CADPS2: variants seen among roughly 807,000 people sequenced by gnomAD.
The protein encoded by CADPS2 is calcium dependent secretion activator 2.
A neutral mutation model predicts 172.5 loss-of-function variants in CADPS2; 93 were observed. The observed-to-expected ratio is 0.54, with a 90% CI of 0.46 to 0.64. CADPS2 has a LOEUF of 0.64. Ranked by LOEUF, CADPS2 falls within the 30% of genes least tolerant of loss-of-function variation. The pLI, the probability that CADPS2 is intolerant of heterozygous loss-of-function variation, is 0.00. For synonymous variants in CADPS2, 546 were observed against 555.2 expected (o/e 0.98, Z 0.23); for missense variants, 1,420 against 1,565.9 (o/e 0.91, Z 1.57).
rs141072914 is a variant in CADPS2 at position 122,813,954 on chromosome 7, C to A, written c.339+72045G>T. Among the ~76,000 whole-genome samples, 8 of 152,012 alleles carry A rather than the reference C, an allele frequency of 5.3e-5. No homozygotes were observed. The East Asian group carries it at 1.5e-3, about 29-fold the overall frequency. On this transcript the variant is annotated intron_variant, in intron 1 of 29. Transcript: ENST00000449022. Reference sequence around the variant, plus strand: ...TTTAAGGTAATATTGACTATCCATTCTAGATTCAATTCTTTGATTTAAAAA... The same window carrying A: ...TTTAAGGTAATATTGACTATCCATTATAGATTCAATTCTTTGATTTAAAAA...
At chr7:122,743,892 G>C (rs974217969) in intron 1 of CADPS2, among the ~76,000 whole-genome samples, 32 of 152,242 alleles carry the variant, frequency 2.1e-4, no homozygotes, top group African/African-American at 5.5e-4. Context: ...CAGAAAAATA[G>C]GGGGTTCCAG....
chr7:122,866,031 T>G (rs1585025484), intron 1 of CADPS2, among the ~76,000 whole-genome samples: 1 of 152,204 alleles, frequency 6.6e-6, no homozygotes, highest in Admixed American at 6.5e-5. Context: ...CATTAATAGT[T>G]AAAAGAATTT....
intron 2 of CADPS2, among the ~76,000 whole-genome samples, chr7:122,711,347 T>A (rs2088683398): frequency 1.3e-5 from 2 of 152,142 alleles, no homozygotes; most frequent in African/African-American, 4.8e-5. Context: ...TATAGCTATA[T>A]CTCTCAAGAT....
In CADPS2 at chr7:122,847,221, G is replaced by C. The variant is rs537311584; in HGVS notation, c.339+38778C>G. Among the ~76,000 whole-genome samples the C allele has an allele frequency of 1.2e-4, 19 of 152,142 alleles. No homozygotes were observed. In the South Asian group the frequency reaches 3.7e-3, roughly 30 times the overall value. ...CCTATCTTGGCCTCTCAAGTAGCTG[G>C]GACTACAGGCTCATGCCACCATACC... On this transcript the variant is annotated intron_variant, in intron 1 of 29. Coordinates refer to ENST00000449022, the MANE Select transcript of CADPS2 (RefSeq NM_017954.11).
intron 2 of CADPS2, among the ~76,000 whole-genome samples, chr7:122,693,559 C>G (rs910874027): frequency 1.3e-5 from 2 of 152,156 alleles, no homozygotes; most frequent in Non-Finnish European, 2.9e-5. Flanking sequence ...GGTCCCAGCC[C>G]AGATGTCATG....
At chr7:122,471,246 T>A (rs2055892912) in intron 14 of CADPS2, 129 bp downstream of exon 14, 2 of 618,684 alleles carry the variant, frequency 3.2e-6, no homozygotes, top group East Asian at 3.7e-5. Context: ...CTGTCGTTTT[T>A]TTTTTTTTCC....
chr7:122,372,271 T>G (rs934756040), intron 25 of CADPS2, among the ~76,000 whole-genome samples: 1 of 152,092 alleles, frequency 6.6e-6, no homozygotes, highest in East Asian at 1.9e-4. Context: ...ATCACAAGCA[T>G]AGAGTTAAAG....
chr7:122,674,668 T>C (rs1345610539), intron 2 of CADPS2, among the ~76,000 whole-genome samples: 1 of 152,242 alleles, frequency 6.6e-6, no homozygotes, highest in Non-Finnish European at 1.5e-5. Context: ...TTGCTGTTGA[T>C]TTGAACCATG....
At chr7:122,858,706 TTAAAC>T (rs1304364529) in intron 1 of CADPS2, among the ~76,000 whole-genome samples, 15 of 152,294 alleles carry the variant, frequency 9.8e-5, no homozygotes, top group Admixed American at 7.8e-4. Flanking sequence ...AGTTGACATT[TTAAAC>T]TAAATATTTT....
chr7:122,727,408 T>C (rs531418045), intron 2 of CADPS2, among the ~76,000 whole-genome samples: 1 of 151,728 alleles, frequency 6.6e-6, no homozygotes, highest in South Asian at 2.1e-4. Context: ...ACTGGTGAAA[T>C]TGAGAATTTA....
At chr7:122,507,039 G>A (rs1013919371) in intron 9 of CADPS2, among the ~76,000 whole-genome samples, 1 of 151,796 alleles carries the variant, frequency 6.6e-6, no homozygotes, top group African/African-American at 2.4e-5. Context: ...TTCTTTTCAT[G>A]GAGTATACAT....
chr7:122,571,355 C>T (rs532966062), intron 7 of CADPS2, among the ~76,000 whole-genome samples: 2 of 152,236 alleles, frequency 1.3e-5, no homozygotes, highest in South Asian at 4.2e-4. Context: ...CTACCCGAGA[C>T]AGAGGAAAAC....
At chr7:122,669,527 G>A (rs2081558928) in intron 2 of CADPS2, among the ~76,000 whole-genome samples, 1 of 151,918 alleles carries the variant, frequency 6.6e-6, no homozygotes, top group Non-Finnish European at 1.5e-5. Context: ...AGGAAGTGAT[G>A]TATTGAAAGG....
At chr7:122,876,961 G>A (rs1433958648) in intron 1 of CADPS2, among the ~76,000 whole-genome samples, 4 of 151,762 alleles carry the variant, frequency 2.6e-5, no homozygotes, top group Admixed American at 2.0e-4. Flanking sequence ...CACATATAAA[G>A]GTAAAATGTT....
At chr7:122,580,635 G>T (rs914030501) in intron 7 of CADPS2, among the ~76,000 whole-genome samples, 1 of 151,964 alleles carries the variant, frequency 6.6e-6, no homozygotes, top group African/African-American at 2.4e-5. Context: ...GGGATTAGAA[G>T]GTAAACATAT....
chr7:122,762,979 T>G (rs1394168995), intron 1 of CADPS2, among the ~76,000 whole-genome samples: 1 of 152,068 alleles, frequency 6.6e-6, no homozygotes, highest in African/African-American at 2.4e-5. Flanking sequence ...TCAGGAGGCC[T>G]GCGAAGGTGA....
chr7:122,477,834 G>A (rs941177722), intron 12 of CADPS2, among the ~76,000 whole-genome samples: 2 of 152,094 alleles, frequency 1.3e-5, no homozygotes, highest in Non-Finnish European at 2.9e-5. Flanking sequence ...CTAACAGTAC[G>A]ATTGTATGGA....
intron 1 of CADPS2, among the ~76,000 whole-genome samples, chr7:122,844,154 C>A (rs2428904): frequency 1.3e-5 from 2 of 152,172 alleles, no homozygotes; most frequent in African/African-American, 4.8e-5. Flanking sequence ...CGAGCCTCAC[C>A]TGGAGGTGAG....
intron 20 of CADPS2, among the ~76,000 whole-genome samples, chr7:122,400,282 A>T (rs527351475): frequency 1.3e-5 from 2 of 151,642 alleles, no homozygotes; most frequent in African/African-American, 4.8e-5. Context: ...CCAAAAATAC[A>T]AAAAATTAGC....
Sources: gnomAD v4.1 joint callset for allele counts (sites outside exome capture counted in the v4.1 genomes callset) on GRCh38, gnomAD v4.1.1 for gene constraint, MANE v1.5 for transcripts, NCBI Gene and HGNC (gene_info 2026-07-23, HGNC 2026-07-21) for gene names.